The following NOL10 variants were observed in gnomAD, a reference collection of about 807,000 sequenced individuals.
NOL10 encodes H_NH0074G24.1.
In NOL10, 58 loss-of-function variants were observed where a neutral mutation model predicts 103.5. The observed-to-expected ratio is 0.56, with a 90% CI of 0.45 to 0.70. The LOEUF (loss-of-function observed/expected upper bound fraction) is 0.70. NOL10 is among the 30% of genes least tolerant of loss of function. NOL10 has a pLI of 0.00. For missense variants in NOL10, 763 were observed against 807.3 expected, an observed-to-expected ratio of 0.95 and a Z score of 0.67; for synonymous variants, 287 against 282.5, an observed-to-expected ratio of 1.02 and a Z score of -0.16.
chr2:10,675,606 C>A (rs1365200021), intron 4 of NOL10, among the ~76,000 whole-genome samples, 188 bp downstream of exon 4: 1 of 89,460 alleles, frequency 1.1e-5, no homozygotes, highest in African/African-American at 4.4e-5. Context: ...GAGCACAGAA[C>A]CTGCATAGAC....
chr2:10,679,128 G>T (rs1359001929), intron 3 of NOL10, among the ~76,000 whole-genome samples: 3 of 152,050 alleles, frequency 2.0e-5, no homozygotes, highest in Non-Finnish European at 4.4e-5. Flanking sequence ...GGGAAGCTGA[G>T]GTGGGCGGAT....
chr2:10,626,635 A>G (rs563140519), intron 13 of NOL10, among the ~76,000 whole-genome samples: 2 of 152,296 alleles, frequency 1.3e-5, no homozygotes, highest in East Asian at 1.9e-4. Flanking sequence ...AAGTCCGACT[A>G]TATCTCATCC....
At chr2:10,625,087 TA>T (rs1394577193) in intron 13 of NOL10, among the ~76,000 whole-genome samples, 1 of 152,140 alleles carries the variant, frequency 6.6e-6, no homozygotes, top group Non-Finnish European at 1.5e-5. Context: ...CTAGAGACAG[TA>T]AAAATACCAG....
intron 13 of NOL10, among the ~76,000 whole-genome samples, chr2:10,617,365 G>A (rs1046581439): frequency 6.6e-6 from 1 of 152,170 alleles, no homozygotes; most frequent in African/African-American, 2.4e-5. Flanking sequence ...ACTGGTTCCG[G>A]GCATTGAAGG....
chr2:10,611,921 T>C (rs1021318958), intron 13 of NOL10, among the ~76,000 whole-genome samples: 7 of 151,368 alleles, frequency 4.6e-5, no homozygotes, highest in Admixed American at 1.3e-4. Context: ...CTTCCCTGCT[T>C]AAAAAAACAA....
intron 8 of NOL10, among the ~76,000 whole-genome samples, 158 bp from the exon 9 acceptor site, chr2:10,663,202 A>G (rs948662071): frequency 3.9e-5 from 6 of 152,144 alleles, no homozygotes; most frequent in African/African-American, 1.4e-4. Context: ...CTCTGTTTCT[A>G]CTAAAAATAC....
intron 19 of NOL10, among the ~76,000 whole-genome samples, chr2:10,586,409 C>T (rs1205741545): frequency 6.6e-6 from 1 of 151,930 alleles, no homozygotes; most frequent in Non-Finnish European, 1.5e-5. Flanking sequence ...ATGCTTTAAG[C>T]AGATGAATTG....
chr2:10,647,573 G>C (rs1280881979), intron 12 of NOL10, among the ~76,000 whole-genome samples: 1 of 152,226 alleles, frequency 6.6e-6, no homozygotes, highest in Non-Finnish European at 1.5e-5. Context: ...CACGTGTTGG[G>C]AAGTGCTGCG....
At chr2:10,666,369 C>T (rs1271374227) in intron 8 of NOL10, among the ~76,000 whole-genome samples, 2 of 150,722 alleles carry the variant, frequency 1.3e-5, no homozygotes, top group Non-Finnish European at 3.0e-5. Flanking sequence ...TTTTTTGAGA[C>T]GGAGTCTCGC....
chr2:10,636,644 C>T (rs1403371348), intron 13 of NOL10, among the ~76,000 whole-genome samples: 1 of 151,508 alleles, frequency 6.6e-6, no homozygotes, highest in African/African-American at 2.4e-5. Flanking sequence ...CTTAATGAAG[C>T]TGAGGAGTAA....
intron 13 of NOL10, among the ~76,000 whole-genome samples, chr2:10,611,397 T>C (rs1676559653): frequency 6.6e-6 from 1 of 152,240 alleles, no homozygotes. Flanking sequence ...CTTCTATGAT[T>C]ACAATTTGTC....
intron 1 of NOL10, among the ~76,000 whole-genome samples, chr2:10,684,970 G>C (rs1034616614): frequency 2.6e-5 from 4 of 152,160 alleles, no homozygotes; most frequent in Admixed American, 2.0e-4. Context: ...AAAATGCTAG[G>C]TCTACTGACA....
chr2:10,600,665 G>A (rs766570259), intron 17 of NOL10, among the ~76,000 whole-genome samples, 188 bp downstream of exon 17: 3 of 152,112 alleles, frequency 2.0e-5, no homozygotes, highest in South Asian at 2.1e-4. Context: ...TATAAGAATC[G>A]TAAGGATAGC....
rs147345559 is a variant in NOL10 at position 10,640,931 on chromosome 2, T to A, written c.1026+3389A>T. Reference sequence around the variant, plus strand: ...ACAACTTTGGGGCTCATGCCTGTAATCCCAGCACTTTGGGAGGCTGAGGCG... The same window carrying A: ...ACAACTTTGGGGCTCATGCCTGTAAACCCAGCACTTTGGGAGGCTGAGGCG... On this transcript the variant is annotated intron_variant, in intron 13 of 20. Transcript: ENST00000381685. Among the ~76,000 whole-genome samples the A allele has an allele frequency of 3.0e-4, 45 of 152,286 alleles. No individual in the cohort carries two copies. The East Asian group carries it at 7.5e-3, about 25-fold the overall frequency.
chr2:10,603,127 A>C lies in NOL10; in HGVS notation c.1184T>G (p.Leu395Arg), dbSNP rs1199966306. 6.2e-7 allele frequency: 1 copy of C among 1,611,886 alleles called. No homozygotes were observed. Among genetic ancestry groups the C allele is most frequent in the Non-Finnish European group, 8.5e-7 (1 of 1,178,860 alleles). ...GAAAAACCCATGCATATATGCCCGG[A>C]GGAAAGGAGATCCAATGAGGTGGGT... is the stretch of plus-strand genomic sequence containing the variant. The part of the protein sequence containing the change: ...GLTHLIGSPF[L>R]RAYMHGFFMD... The change falls in exon 15 of 21, where the codon CTC becomes CGC. Residue 395 changes from leucine (L) to arginine (R), a missense_variant. Transcript: ENST00000381685.
intron 3 of NOL10, among the ~76,000 whole-genome samples, chr2:10,677,858 T>TGG (rs1437205391): frequency 7.2e-4 from 99 of 137,486 alleles, no homozygotes; most frequent in Non-Finnish European, 2.6e-4. Flanking sequence ...TGTGTGTGTG[T>TGG]GTGTGTGTGT....
In NOL10 at chr2:10,634,634, C is replaced by CA. The variant is rs200556672; in HGVS notation, c.1026+9685dup. ...TAGTTATATAAAGCCTAGGCATAAA[C>CA]AAGCTCCCTGGGAGAGAATATAAAT... On this transcript the variant is annotated intron_variant, in intron 13 of 20. Coordinates refer to ENST00000381685, the MANE Select transcript of NOL10 (RefSeq NM_024894.4). 391 of 456,362 alleles carry CA rather than the reference C, an allele frequency of 8.6e-4. 6 individuals are homozygous for CA. In the East Asian group the frequency reaches 0.021, roughly 24 times the overall value. 28.3% of individuals were successfully genotyped at this position (456,362 alleles called of 1,614,324 possible). A position where few individuals can be genotyped will look rare whatever the true frequency, so the allele number is the denominator to read the frequency against.
At chr2:10,632,649 C>A (rs1677924206) in intron 13 of NOL10, among the ~76,000 whole-genome samples, 1 of 152,124 alleles carries the variant, frequency 6.6e-6, no homozygotes, top group Non-Finnish European at 1.5e-5. Flanking sequence ...CCAAAATAGA[C>A]CATTTTGTGT....
At position 10,589,608 on chromosome 2, in the gene NOL10, T is replaced by C. The variant is rs75000574; in HGVS notation, c.1566A>G (p.Arg522=). The C allele has an allele frequency of 6.3e-7, 1 of 1,586,520 alleles. No homozygotes were observed. The highest frequency in any genetic ancestry group is 2.2e-5 in the East Asian group (1 of 44,560). The change falls in exon 18 of 21, where the codon AGA becomes AGG. Residue 522 remains arginine, a synonymous_variant. Coordinates refer to ENST00000381685, the MANE Select transcript of NOL10 (RefSeq NM_024894.4). ...KISEKRKKKL[R]LLEQQELREK... ...CACGAAGTTCTTGTTGCTCTAAGAG[T>C]CTTAGTTTCTTCTTCCTTTTTTCAC...
Sources: allele counts gnomAD v4.1 joint callset (sites outside exome capture counted in the v4.1 genomes callset), GRCh38; gene constraint gnomAD v4.1.1; transcripts MANE v1.5; gene names NCBI Gene and HGNC (gene_info 2026-07-23, HGNC 2026-07-21).